The following DPM1 variants were observed in gnomAD, a reference collection of about 807,000 sequenced individuals.
DPM1 encodes the protein dolichyl-phosphate mannosyltransferase subunit 1, catalytic, also known as dolichol-phosphate mannosyltransferase subunit 1.
Under a neutral mutation model 39.0 loss-of-function variants are expected in DPM1, and 27 were observed. The ratio of observed to expected loss-of-function variants is 0.69; its 90% confidence interval spans 0.51 to 0.95. The LOEUF (loss-of-function observed/expected upper bound fraction) is 0.95, where lower values mean the gene tolerates loss of function less well. Ranked by LOEUF, DPM1 falls within the 40% of genes least tolerant of loss-of-function variation. DPM1 has a pLI of 0.00. For synonymous variants in DPM1, 124 were observed against 109.0 expected, an observed-to-expected ratio of 1.14 and a Z score of -0.86; for missense variants, 307 against 315.6, an observed-to-expected ratio of 0.97 and a Z score of 0.21.
At position 50,947,243 on chromosome 20, in the gene DPM1, C is replaced by T. The variant is rs550855759; in HGVS notation, c.296-1320G>A. ...AAAATTAGCCGGGCATGGTGGTACA[C>T]GCCTGTAATCCCAGCTACTCGGGAG... On this transcript the variant is annotated intron_variant, in intron 3 of 8. Transcript: ENST00000371588. Among the ~76,000 whole-genome samples, 6 of 151,630 alleles carry T rather than the reference C, an allele frequency of 4.0e-5. No individual in the cohort carries two copies. The South Asian group carries it at 6.3e-4, about 16-fold the overall frequency.
chr20:50,947,387 A>G (rs1001009250), intron 3 of DPM1, among the ~76,000 whole-genome samples: 2 of 152,186 alleles, frequency 1.3e-5, no homozygotes, highest in African/African-American at 2.4e-5. Context: ...AAAGGAGTGA[A>G]TATTTACACT....
chr20:50,939,301 CAG>C (rs1463020401), intron 7 of DPM1, among the ~76,000 whole-genome samples: 3 of 152,196 alleles, frequency 2.0e-5, no homozygotes, highest in Non-Finnish European at 4.4e-5. Flanking sequence ...TCCCGCTGTA[CAG>C]AGATTTTGTG....
At chr20:50,936,296 G>T (rs747921995) in intron 7 of DPM1, 34 bp from the exon 8 acceptor site, 3 of 1,375,208 alleles carry the variant, frequency 2.2e-6, no homozygotes, top group Admixed American at 1.7e-5. Context: ...TCAACTTCTG[G>T]ATAAATACAC....
At chr20:50,949,929 T>C (rs1401602724) in intron 2 of DPM1, among the ~76,000 whole-genome samples, 1 of 152,158 alleles carries the variant, frequency 6.6e-6, no homozygotes, top group Non-Finnish European at 1.5e-5. Context: ...TCACTCCAGG[T>C]CTTTGGAGAA....
rs1986257899 is a variant in DPM1 at position 50,945,921 on chromosome 20, TTCCTA to T, written c.296-3_297del. On this transcript the variant is annotated splice_acceptor_variant and splice_polypyrimidine_tract_variant and coding_sequence_variant and intron_variant, in exon 4 of 9. Coordinates refer to ENST00000371588, the MANE Select transcript of DPM1 (RefSeq NM_003859.3). LOFTEE classifies it high-confidence loss of function. ...TGTTTCATTCCATGAATATATGCAG[TTCCTA>T]AAAATGAAAGTAGATCCATTCAAGA... 2 of 1,612,404 alleles carry T rather than the reference TTCCTA, an allele frequency of 1.2e-6. No individual in the cohort carries two copies. Among genetic ancestry groups the T allele is most frequent in the East Asian group, 4.5e-5 (2 of 44,764 alleles).
rs58694792 is a variant in DPM1, at chr20:50,941,227, AATATAT to A, written c.495-300_495-295del. ...CTCCATCACTACAAAAAAAAAAGTG[AATATAT>A]ATATATATATATATATATATATATA... is the stretch of plus-strand genomic sequence containing the variant. On this transcript the variant is annotated intron_variant, in intron 6 of 8. Transcript: ENST00000371588. 478 of 61,144 alleles carry A rather than the reference AATATAT, an allele frequency of 7.8e-3. 7 individuals carry two copies. The highest frequency in any genetic ancestry group is 0.02 in the African/African-American group (237 of 12,122). The allele number at this position is 61,144 out of a possible 1,614,324, so 3.8% of individuals were successfully genotyped here. A position where few individuals can be genotyped will look rare whatever the true frequency, so the allele number is the denominator to read the frequency against.
intron 3 of DPM1, among the ~76,000 whole-genome samples, chr20:50,947,830 T>C (rs1385623021): frequency 6.6e-6 from 1 of 152,026 alleles, no homozygotes; most frequent in African/African-American, 2.4e-5. Flanking sequence ...GGTTTTACCA[T>C]GTTGGCCAGG....
At chr20:50,956,363 G>A (rs1349224640) in intron 1 of DPM1, among the ~76,000 whole-genome samples, 3 of 151,904 alleles carry the variant, frequency 2.0e-5, no homozygotes, top group Non-Finnish European at 2.9e-5. Context: ...CAGCACTTTG[G>A]GAGGCCGAGG....
chr20:50,936,354 G>A, intron 7 of DPM1, 92 bp from the exon 8 acceptor site: 1 of 828,772 alleles, frequency 1.2e-6, no homozygotes, highest in African/African-American at 1.7e-5. Flanking sequence ...TATGTATAAA[G>A]CCTAAAACTT....
intron 5 of DPM1, 49 bp from the exon 6 acceptor site, chr20:50,942,175 C>T: frequency 6.6e-7 from 1 of 1,506,910 alleles, no homozygotes; most frequent in South Asian, 1.1e-5. Flanking sequence ...GAGCTTTCAA[C>T]AGTCATTTTC....
chr20:50,942,465 T>C (rs948388653), intron 5 of DPM1, among the ~76,000 whole-genome samples: 3 of 150,244 alleles, frequency 2.0e-5, no homozygotes, highest in African/African-American at 7.4e-5. Flanking sequence ...ATCACGCCAC[T>C]GCACTCTAGC....
At chr20:50,949,762 GA>G (rs965738909) in intron 2 of DPM1, among the ~76,000 whole-genome samples, 2 of 131,202 alleles carry the variant, frequency 1.5e-5, no homozygotes, top group South Asian at 2.3e-4. Flanking sequence ...TAAAGCAGAT[GA>G]TTTTTTTTTT....
At position 50,958,473 on chromosome 20, in the gene DPM1, C is replaced by A; in HGVS notation, c.51G>T (p.Leu17=). Reference sequence around the variant, plus strand: ...TGTTCTGTCGTGGACTGCGCACTTCCAGCTCCCGCCGAGACCTGCGAGGAC... The same window carrying A: ...TGTTCTGTCGTGGACTGCGCACTTCAAGCTCCCGCCGAGACCTGCGAGGAC... The part of the protein sequence containing the change: ...SRSPRRSRRE[L]EVRSPRQNKY... The change falls in exon 1 of 9, where the codon CTG becomes CTT. Residue 17 remains leucine, a synonymous_variant. Coordinates refer to ENST00000371588, the MANE Select transcript of DPM1 (RefSeq NM_003859.3). The A allele has an allele frequency of 6.2e-7, 1 of 1,613,990 alleles. No individual in the cohort carries two copies. The highest frequency in any genetic ancestry group is 8.5e-7 in the Non-Finnish European group (1 of 1,180,012).
intron 7 of DPM1, among the ~76,000 whole-genome samples, chr20:50,939,384 T>TA (rs1483252248): frequency 1.3e-5 from 2 of 152,276 alleles, no homozygotes; most frequent in East Asian, 1.9e-4. Context: ...TGTTTTTTTT[T>TA]AGACGGAGTC....
intron 1 of DPM1, 24 bp from the exon 2 acceptor site, chr20:50,955,309 ATGAC>A: frequency 6.8e-7 from 1 of 1,478,340 alleles, no homozygotes; most frequent in Non-Finnish European, 9.4e-7. Context: ...ATTTGTATTA[ATGAC>A]TGATGACAGT....
At chr20:50,938,303 G>C (rs1985385142) in intron 7 of DPM1, among the ~76,000 whole-genome samples, 1 of 151,934 alleles carries the variant, frequency 6.6e-6, no homozygotes, top group African/African-American at 2.4e-5. Context: ...AATGGGCTTT[G>C]TCTAGCGACA....
At chr20:50,937,043 CTT>C (rs75516205) in intron 7 of DPM1, among the ~76,000 whole-genome samples, 49 of 140,310 alleles carry the variant, frequency 3.5e-4, no homozygotes, top group Non-Finnish European at 2.3e-4. Context: ...CAGAGTCACA[CTT>C]TTTTTTTTTT....
chr20:50,945,283 GTT>G (rs1491128326), intron 5 of DPM1: 931 of 87,312 alleles, frequency 0.011, 16 homozygotes, highest in African/African-American at 0.04. Context: ...TCAAATGTGT[GTT>G]GTGTGTGTGT....
intron 1 of DPM1, 55 bp from the exon 2 acceptor site, chr20:50,955,340 GTAATT>G: frequency 7.7e-7 from 1 of 1,300,254 alleles, no homozygotes; most frequent in Non-Finnish European, 1.1e-6. Context: ...AAATTTAAAA[GTAATT>G]TAAAAATTAC....
Sources: gnomAD v4.1 joint callset for allele counts (sites outside exome capture counted in the v4.1 genomes callset) on GRCh38, gnomAD v4.1.1 for gene constraint, MANE v1.5 for transcripts, NCBI Gene and HGNC (gene_info 2026-07-23, HGNC 2026-07-21) for gene names.